Variants in NRCAM observed in about 807,000 individuals in gnomAD.
The protein encoded by NRCAM is NgCAM-related cell adhesion molecule.
A neutral mutation model predicts 156.5 loss-of-function variants in NRCAM; 83 were observed. That is an observed-to-expected ratio of 0.53 (90% CI 0.44 to 0.64). The LOEUF (loss-of-function observed/expected upper bound fraction) is 0.64. Ranked by LOEUF, NRCAM falls within the 30% of genes least tolerant of loss-of-function variation. NRCAM has a pLI of 0.00. For missense variants in NRCAM, 1,417 were observed against 1,597.3 expected, an observed-to-expected ratio of 0.89 and a Z score of 1.92; for synonymous variants, 538 against 563.9, an observed-to-expected ratio of 0.95 and a Z score of 0.65.
chr7:108,243,457 T>A (rs776337602), intron 3 of NRCAM, among the ~76,000 whole-genome samples: 3 of 152,346 alleles, frequency 2.0e-5, no homozygotes, highest in African/African-American at 7.2e-5. Context: ...TAGGAGTCCA[T>A]CTGCCTTGTA....
intron 2 of NRCAM, among the ~76,000 whole-genome samples, chr7:108,331,164 C>T (rs1297501505): frequency 2.6e-5 from 4 of 151,962 alleles, no homozygotes; most frequent in African/African-American, 9.7e-5. Context: ...TTTGGGAGGC[C>T]GAGGCAGAAA....
At chr7:108,388,404 T>C (rs141008283) in intron 2 of NRCAM, among the ~76,000 whole-genome samples, 38,241 of 152,040 alleles carry the variant, frequency 0.25, 5,066 homozygotes, top group Non-Finnish European at 0.28. Context: ...TTTGATGAGG[T>C]TGTTTGATTT....
rs767732988 is a variant in NRCAM at position 108,231,126 on chromosome 7, A to T, written c.455T>A (p.Leu152His). 1 of 1,604,982 alleles carries T rather than the reference A, an allele frequency of 6.2e-7. No individual in the cohort carries two copies. The highest frequency in any genetic ancestry group is 1.7e-4 in the Middle Eastern group (1 of 6,048). Residue 152 changes from leucine (L) to histidine (H), a missense_variant, in exon 8 of 33, where the codon CTT (leucine) becomes CAT (histidine). Transcript: ENST00000379028. Reference protein sequence around the residue: ...SRSPLWTKEKLEPITLQSGQS... With the variant: ...SRSPLWTKEKHEPITLQSGQS... The stretch of plus-strand genomic sequence containing the variant: ...ACCACTTTGAAGTGTGATTGGTTCA[A>T]GTTTTTCTTTGGTCCACAATGGTGA...
At chr7:108,372,435 G>A (rs538196145) in intron 2 of NRCAM, among the ~76,000 whole-genome samples, 11 of 152,246 alleles carry the variant, frequency 7.2e-5, no homozygotes, top group Non-Finnish European at 1.5e-4. Flanking sequence ...TGGAATAGGA[G>A]AAAGTATCTG....
At chr7:108,247,858 G>A (rs2096063308) in intron 3 of NRCAM, among the ~76,000 whole-genome samples, 1 of 152,174 alleles carries the variant, frequency 6.6e-6, no homozygotes, top group South Asian at 2.1e-4. Context: ...GGAAAGAGGG[G>A]CAAGCCAAAC....
chr7:108,344,618 T>C (rs2099330951), intron 2 of NRCAM, among the ~76,000 whole-genome samples: 1 of 152,226 alleles, frequency 6.6e-6, no homozygotes, highest in Admixed American at 6.5e-5. Flanking sequence ...GAGCAATTAA[T>C]AATAAAGTTC....
intron 2 of NRCAM, among the ~76,000 whole-genome samples, chr7:108,332,756 G>A (rs530273623): frequency 6.6e-6 from 1 of 152,168 alleles, no homozygotes; most frequent in Admixed American, 6.5e-5. Flanking sequence ...GACATGGGGT[G>A]TGTCAATACA....
At chr7:108,387,304 T>C (rs900578643) in intron 2 of NRCAM, among the ~76,000 whole-genome samples, 5 of 152,166 alleles carry the variant, frequency 3.3e-5, no homozygotes, top group African/African-American at 1.2e-4. Flanking sequence ...AAGTGATGCA[T>C]CTTTTATTAA....
At chr7:108,280,790 A>G (rs915321899) in intron 3 of NRCAM, among the ~76,000 whole-genome samples, 2 of 152,218 alleles carry the variant, frequency 1.3e-5, no homozygotes, top group South Asian at 4.1e-4. Context: ...TCTTAAATAT[A>G]TAATAAGCTG....
intron 3 of NRCAM, among the ~76,000 whole-genome samples, chr7:108,272,696 TATATC>T (rs1401723392): frequency 6.6e-6 from 1 of 152,016 alleles, no homozygotes; most frequent in East Asian, 1.9e-4. Flanking sequence ...TATATATTTA[TATATC>T]ATGTTATCTT....
chr7:108,224,200 G>C (rs1251676877), intron 10 of NRCAM, among the ~76,000 whole-genome samples: 2 of 152,110 alleles, frequency 1.3e-5, no homozygotes, highest in South Asian at 4.1e-4. Context: ...CTTAGGATTA[G>C]TGCTTAGGTC....
intron 30 of NRCAM, among the ~76,000 whole-genome samples, chr7:108,162,444 C>T (rs765997223): frequency 6.6e-6 from 1 of 152,190 alleles, no homozygotes; most frequent in Non-Finnish European, 1.5e-5. Context: ...GACTATAGTT[C>T]TTGTTTTCAG....
At chr7:108,360,825 CCA>C (rs1410444723) in intron 2 of NRCAM, among the ~76,000 whole-genome samples, 1 of 152,096 alleles carries the variant, frequency 6.6e-6, no homozygotes, top group Non-Finnish European at 1.5e-5. Flanking sequence ...CTACCTCAAG[CCA>C]CATACAAAAA....
intron 2 of NRCAM, among the ~76,000 whole-genome samples, chr7:108,383,155 C>CA (rs2099709588): frequency 6.7e-6 from 1 of 149,184 alleles, no homozygotes; most frequent in Non-Finnish European, 1.5e-5. Flanking sequence ...CACACACACA[C>CA]CCCTTGGTGT....
intron 1 of NRCAM, among the ~76,000 whole-genome samples, chr7:108,417,677 A>C (rs942483768): frequency 3.9e-5 from 6 of 152,080 alleles, no homozygotes; most frequent in African/African-American, 1.4e-4. Flanking sequence ...GATGTCCAGA[A>C]CTCAACTTCT....
chr7:108,425,936 GCTTT>G (rs1410900135), intron 1 of NRCAM, among the ~76,000 whole-genome samples: 2 of 152,172 alleles, frequency 1.3e-5, no homozygotes, highest in Admixed American at 6.5e-5. Flanking sequence ...ATTGCTCCTG[GCTTT>G]CTTTCGAGTC....
At chr7:108,180,113 A>G in intron 25 of NRCAM, 110 bp downstream of exon 25, 3 of 859,122 alleles carry the variant, frequency 3.5e-6, no homozygotes, top group South Asian at 1.7e-5. Context: ...AGAAATTTCA[A>G]TCACATTTGG....
At chr7:108,250,944 A>C (rs2096306450) in intron 3 of NRCAM, among the ~76,000 whole-genome samples, 1 of 152,196 alleles carries the variant, frequency 6.6e-6, no homozygotes, top group Non-Finnish European at 1.5e-5. Flanking sequence ...AAAAAGAAAA[A>C]ATAAAACCAA....
At chr7:108,244,060 A>G (rs1379054794) in intron 3 of NRCAM, among the ~76,000 whole-genome samples, 1 of 152,190 alleles carries the variant, frequency 6.6e-6, no homozygotes, top group Non-Finnish European at 1.5e-5. Context: ...TTACTTAAGA[A>G]GTCTTGTCTT....
Sources: gnomAD v4.1 joint callset for allele counts (sites outside exome capture counted in the v4.1 genomes callset) on GRCh38, gnomAD v4.1.1 for gene constraint, MANE v1.5 for transcripts, NCBI Gene and HGNC (gene_info 2026-07-23, HGNC 2026-07-21) for gene names.